TENM4: variants seen among roughly 807,000 people sequenced by gnomAD.
TENM4 encodes the protein teneurin transmembrane protein 4.
In TENM4, 82 loss-of-function variants were observed where a neutral mutation model predicts 243.3. That is an observed-to-expected ratio of 0.34 (90% CI 0.28 to 0.40). TENM4 has a LOEUF of 0.40. Among genes scored for constraint, TENM4 ranks in the 10% least tolerant of loss-of-function variants. The pLI is 1.00. For missense variants in TENM4, 3,138 were observed against 3,673.3 expected, an observed-to-expected ratio of 0.85 and a Z score of 3.77; for synonymous variants, 1,412 against 1,456.3, an observed-to-expected ratio of 0.97 and a Z score of 0.69.
chr11:78,802,621 G>A (rs1204060634), intron 15 of TENM4, among the ~76,000 whole-genome samples: 2 of 152,236 alleles, frequency 1.3e-5, no homozygotes, highest in African/African-American at 4.8e-5. Context: ...TCACCAGCAT[G>A]GCTCATGCAA....
intron 1 of TENM4, among the ~76,000 whole-genome samples, chr11:79,332,971 T>C (rs1441612810): frequency 6.6e-6 from 1 of 152,154 alleles, no homozygotes; most frequent in African/African-American, 2.4e-5. Flanking sequence ...CATGACAGGA[T>C]TTGTCAACCT....
intron 6 of TENM4, among the ~76,000 whole-genome samples, chr11:79,013,975 A>T (rs997136771): frequency 4.6e-5 from 7 of 151,854 alleles, no homozygotes; most frequent in African/African-American, 1.7e-4. Context: ...TTCTTACTTA[A>T]TTTTTTCTCT....
At chr11:79,066,610 A>G (rs563658365) in intron 5 of TENM4, among the ~76,000 whole-genome samples, 49 of 152,038 alleles carry the variant, frequency 3.2e-4, no homozygotes, top group East Asian at 1.7e-3. Flanking sequence ...ACGCGCGTGC[A>G]CACACACGTG....
intron 28 of TENM4, among the ~76,000 whole-genome samples, chr11:78,698,404 A>AAACCAACCAACCAACC (rs375751143): frequency 0.1 from 15,449 of 151,812 alleles, 833 homozygotes; most frequent in Middle Eastern, 0.15. Flanking sequence ...AAACCGAACC[A>AAACCAACCAACCAACC]AACCAACCAA....
Position 78,704,159 on chromosome 11 carries a change from C to CTATATATATATATA in TENM4, c.4210-1770_4210-1757dup, listed in dbSNP as rs56026926. 3.1e-3 allele frequency among the ~76,000 whole-genome samples: 328 copies of CTATATATATATATA among 105,940 alleles called. 1 individual carries two copies. Among genetic ancestry groups the CTATATATATATATA allele is most frequent in the Middle Eastern group, 9.6e-3 (2 of 208 alleles). The allele number at this position is 105,940 out of a possible 152,430, so 69.5% of individuals were successfully genotyped here. A position where few individuals can be genotyped will look rare whatever the true frequency, so the allele number is the denominator to read the frequency against. On this transcript the variant is annotated intron_variant, in intron 27 of 33. Coordinates refer to ENST00000278550, the MANE Select transcript of TENM4 (RefSeq NM_001098816.3). ...TATGTCTATGTGTATGTATGTGTGT[C>CTATATATATATATA]TATATATATATATATATATATATAT...
intron 4 of TENM4, among the ~76,000 whole-genome samples, chr11:79,143,463 C>T (rs910577944): frequency 4.0e-5 from 6 of 151,720 alleles, no homozygotes; most frequent in South Asian, 4.1e-4. Context: ...ACTCATAGGT[C>T]GGAATTTAAC....
intron 28 of TENM4, among the ~76,000 whole-genome samples, chr11:78,690,057 A>T (rs1590940844): frequency 6.6e-6 from 1 of 151,682 alleles, no homozygotes; most frequent in South Asian, 2.1e-4. Context: ...GGCTTCAAAA[A>T]CCCATGTCCT....
At chr11:79,436,270 T>G (rs1859269509) in intron 1 of TENM4, among the ~76,000 whole-genome samples, 1 of 152,190 alleles carries the variant, frequency 6.6e-6, no homozygotes. Flanking sequence ...AATGAACTCA[T>G]AAGCCAGGAT....
chr11:79,398,737 TAAAAA>T (rs5792854), intron 1 of TENM4, among the ~76,000 whole-genome samples: 2 of 102,768 alleles, frequency 1.9e-5, no homozygotes, highest in African/African-American at 7.8e-5. Flanking sequence ...TCAGATGCTT[TAAAAA>T]AAAAAAAAAA....
chr11:78,899,248 AG>A (rs1193273042), intron 7 of TENM4, among the ~76,000 whole-genome samples: 1 of 152,040 alleles, frequency 6.6e-6, no homozygotes, highest in African/African-American at 2.4e-5. Flanking sequence ...AGGCCCTTAG[AG>A]GGAGAGGATG....
At chr11:78,965,130 A>G (rs1411387850) in intron 6 of TENM4, among the ~76,000 whole-genome samples, 1 of 152,058 alleles carries the variant, frequency 6.6e-6, no homozygotes, top group Non-Finnish European at 1.5e-5. Flanking sequence ...GGCCTCCCAA[A>G]GTGCAGGGAT....
intron 14 of TENM4, among the ~76,000 whole-genome samples, chr11:78,810,069 A>T (rs1278069352): frequency 6.6e-6 from 1 of 152,212 alleles, no homozygotes; most frequent in Non-Finnish European, 1.5e-5. Context: ...GGGAGAAAAA[A>T]AAGTGAGCTT....
chr11:79,105,494 C>A (rs1379142332), intron 4 of TENM4, among the ~76,000 whole-genome samples: 1 of 152,204 alleles, frequency 6.6e-6, no homozygotes, highest in Non-Finnish European at 1.5e-5. Flanking sequence ...TGATGCTGAT[C>A]CTTCATATAA....
At chr11:79,072,150 C>T (rs1279833629) in intron 4 of TENM4, among the ~76,000 whole-genome samples, 2 of 152,120 alleles carry the variant, frequency 1.3e-5, no homozygotes, top group Non-Finnish European at 2.9e-5. Flanking sequence ...CCTTCTACTC[C>T]AGGGTTTTAA....
At chr11:79,334,211 G>A (rs1272886672) in intron 1 of TENM4, among the ~76,000 whole-genome samples, 2 of 152,210 alleles carry the variant, frequency 1.3e-5, no homozygotes, top group African/African-American at 4.8e-5. Context: ...TGCTGAGCAG[G>A]TGAATGCCTT....
intron 6 of TENM4, among the ~76,000 whole-genome samples, chr11:78,976,463 G>C (rs1857657434): frequency 6.6e-6 from 1 of 152,162 alleles, no homozygotes; most frequent in Non-Finnish European, 1.5e-5. Context: ...CATATACTAA[G>C]AGATATTTTT....
At chr11:79,203,130 T>A (rs1863779139) in intron 3 of TENM4, among the ~76,000 whole-genome samples, 1 of 152,116 alleles carries the variant, frequency 6.6e-6, no homozygotes, top group Non-Finnish European at 1.5e-5. Context: ...TAATAACAAA[T>A]ATTGATGAAG....
Position 78,979,276 on chromosome 11 carries a change from A to G in TENM4, c.494-75753T>C, listed in dbSNP as rs150508892. Among the ~76,000 whole-genome samples the G allele has an allele frequency of 3.9e-3, 594 of 152,244 alleles. 3 individuals are homozygous for G. The highest frequency in any genetic ancestry group is 0.014 in the African/African-American group (572 of 41,544). On this transcript the variant is annotated intron_variant, in intron 6 of 33. Transcript: ENST00000278550. ...AGGGAGGGACTCCAACCAGCACCCC[A>G]ATTTAGTCATAGAGGGGAAGTCGAT... is the stretch of plus-strand genomic sequence containing the variant.
intron 3 of TENM4, among the ~76,000 whole-genome samples, chr11:79,198,755 G>T (rs995929788): frequency 6.6e-6 from 1 of 152,222 alleles, no homozygotes; most frequent in East Asian, 1.9e-4. Context: ...TGCTGGGGAC[G>T]CAGAGGGAGG....
Sources: allele counts gnomAD v4.1 joint callset (sites outside exome capture counted in the v4.1 genomes callset), GRCh38; gene constraint gnomAD v4.1.1; transcripts MANE v1.5; gene names NCBI Gene and HGNC (gene_info 2026-07-23, HGNC 2026-07-21).